RGL1: variants seen among roughly 807,000 people sequenced by gnomAD.
The protein encoded by RGL1 is ral guanine nucleotide dissociation stimulator-like 1.
RGL1 carries 24 observed loss-of-function variants against 95.2 expected under a neutral mutation model. That is an observed-to-expected ratio of 0.25 (90% CI 0.18 to 0.35). RGL1 has a LOEUF of 0.35. RGL1 is among the 10% of genes least tolerant of loss of function. RGL1 has a pLI of 1.00. For synonymous variants in RGL1, 329 were observed against 344.9 expected (o/e 0.95, Z 0.51); for missense variants, 715 against 936.3 (o/e 0.76, Z 3.08).
intron 1 of RGL1, among the ~76,000 whole-genome samples, chr1:183,653,682 G>C (rs906462188): frequency 6.6e-6 from 1 of 152,178 alleles, no homozygotes; most frequent in Non-Finnish European, 1.5e-5. Context: ...GTCCCTGAAG[G>C]GGGTGTTTTT....
chr1:183,822,882 C>G (rs916280503), intron 2 of RGL1, among the ~76,000 whole-genome samples: 2 of 152,194 alleles, frequency 1.3e-5, no homozygotes, highest in African/African-American at 4.8e-5. Context: ...CTTCAGCTAA[C>G]TGGGCTATTT....
intron 2 of RGL1, among the ~76,000 whole-genome samples, chr1:183,749,138 G>T (rs528474245): frequency 6.6e-6 from 1 of 152,118 alleles, no homozygotes; most frequent in Non-Finnish European, 1.5e-5. Flanking sequence ...TATTAGGTCC[G>T]CTTGGTCCAG....
chr1:183,835,719 C>A (rs2500110), intron 2 of RGL1, among the ~76,000 whole-genome samples: 1 of 152,016 alleles, frequency 6.6e-6, no homozygotes, highest in Non-Finnish European at 1.5e-5. Context: ...TGTAATCAGA[C>A]TTAACTTTGG....
intron 1 of RGL1, among the ~76,000 whole-genome samples, chr1:183,718,223 G>C (rs1655755207): frequency 7.6e-6 from 1 of 130,986 alleles, no homozygotes; most frequent in South Asian, 2.7e-4. Flanking sequence ...GACAGAGGGA[G>C]ACTTGGTCTC....
chr1:183,751,666 G>A (rs1208967800), intron 2 of RGL1, among the ~76,000 whole-genome samples: 1 of 152,190 alleles, frequency 6.6e-6, no homozygotes, highest in Non-Finnish European at 1.5e-5. Flanking sequence ...TTGAAACCCA[G>A]GGCCCTGGTG....
At chr1:183,776,220 C>T (rs1659590313) in intron 2 of RGL1, among the ~76,000 whole-genome samples, 1 of 143,472 alleles carries the variant, frequency 7.0e-6, no homozygotes. Context: ...GCGATCTCGG[C>T]TCACTGCAAG....
In RGL1 at chr1:183,902,514, G is replaced by A. The variant is rs1221340024; in HGVS notation, c.1318-54G>A. 26 of 1,486,278 alleles carry A rather than the reference G, an allele frequency of 1.7e-5. No individual in the cohort carries two copies. The East Asian group carries it at 5.5e-4, about 31-fold the overall frequency. 92.1% of individuals were successfully genotyped at this position (1,486,278 alleles called of 1,614,324 possible). A position where few individuals can be genotyped will look rare whatever the true frequency, so the allele number is the denominator to read the frequency against. On this transcript the variant is annotated intron_variant, in intron 11 of 17. Coordinates refer to ENST00000360851, the MANE Select transcript of RGL1 (RefSeq NM_001297671.3). ...TTAATGTGACCTACGACAACATATG[G>A]CTGTGTTTTAAAGTAGCTTGGTTGC...
At chr1:183,660,166 C>G (rs1458123634) in intron 1 of RGL1, among the ~76,000 whole-genome samples, 1 of 152,084 alleles carries the variant, frequency 6.6e-6, no homozygotes, top group Non-Finnish European at 1.5e-5. Context: ...GCAAAATAAC[C>G]AGCTAACATC....
upstream of RGL1, among the ~76,000 whole-genome samples, chr1:183,804,333 C>T (rs1661151589): frequency 6.6e-6 from 1 of 152,094 alleles, no homozygotes; most frequent in Non-Finnish European, 1.5e-5. Flanking sequence ...GTATCTCTTG[C>T]TGTTGACTTG....
At position 183,742,186 on chromosome 1, in the gene RGL1, C is replaced by T. The variant is rs1294700149; in HGVS notation, c.29C>T (p.Thr10Ile). 2.5e-6 allele frequency: 4 copies of T among 1,614,074 alleles called. No individual in the cohort carries two copies. The South Asian group carries it at 4.4e-5, about 18-fold the overall frequency. ...GAGGTGAAACCTGTGGGAGAACCTACTCAAGAGGTGTCTAAATTCAAACTT... is the reference window on the plus strand; with the variant it reads ...GAGGTGAAACCTGTGGGAGAACCTATTCAAGAGGTGTCTAAATTCAAACTT... The change falls in exon 2 of 19, where the codon ACT (threonine) becomes ATT (isoleucine). Residue 10 changes from threonine to isoleucine, a missense_variant. Coordinates refer to the RGL1 transcript ENST00000304685.
Position 183,787,709 on chromosome 1 carries a change from G to A in RGL1, c.133-18666G>A, listed in dbSNP as rs950665784. ...GTGTTGGAGGTGAGGCTTAACAGGG[G>A]GTGTTTGGGTCATGGGGGCAGATCT... is the stretch of plus-strand genomic sequence containing the variant. On this transcript the variant is annotated intron_variant, in intron 2 of 18. Transcript: ENST00000304685. Among the ~76,000 whole-genome samples, 3 of 151,892 alleles carry A rather than the reference G, an allele frequency of 2.0e-5. No individual in the cohort carries two copies. The East Asian group carries it at 5.8e-4, about 29-fold the overall frequency.
At chr1:183,673,349 T>C (rs1273314303) in intron 1 of RGL1, among the ~76,000 whole-genome samples, 2 of 152,232 alleles carry the variant, frequency 1.3e-5, no homozygotes, top group Non-Finnish European at 2.9e-5. Flanking sequence ...AACCTTTTTC[T>C]TTCTCTCATC....
chr1:183,656,839 G>A (rs1349137042), intron 1 of RGL1, among the ~76,000 whole-genome samples: 3 of 152,226 alleles, frequency 2.0e-5, no homozygotes, highest in African/African-American at 7.2e-5. Flanking sequence ...TTGGTAATTA[G>A]TTAAACTAAT....
chr1:183,819,928 G>A (rs1242923682), intron 2 of RGL1, among the ~76,000 whole-genome samples: 1 of 151,868 alleles, frequency 6.6e-6, no homozygotes, highest in Non-Finnish European at 1.5e-5. Flanking sequence ...GAGACTGCAG[G>A]TGCACACCAC....
At chr1:183,814,998 G>A (rs1312394048) in intron 2 of RGL1, among the ~76,000 whole-genome samples, 3 of 152,162 alleles carry the variant, frequency 2.0e-5, no homozygotes, top group South Asian at 2.1e-4. Context: ...TTGGCTGAGC[G>A]CGGTGGCTCT....
intron 2 of RGL1, among the ~76,000 whole-genome samples, chr1:183,795,668 T>G: frequency 6.6e-6 from 1 of 152,226 alleles, no homozygotes; most frequent in South Asian, 2.1e-4. Flanking sequence ...GCTTTTATAC[T>G]GAGCAATGAG....
At chr1:183,911,003 TGC>T (rs747732241) in intron 14 of RGL1, among the ~76,000 whole-genome samples, 3 of 152,264 alleles carry the variant, frequency 2.0e-5, no homozygotes, top group Non-Finnish European at 4.4e-5. Flanking sequence ...CTTTTTGTTA[TGC>T]CTGTTGGCTC....
In RGL1 at chr1:183,913,680, T is replaced by G. The variant is rs141856126; in HGVS notation, c.1749+1412T>G. On this transcript the variant is annotated intron_variant, in intron 15 of 17. Coordinates refer to ENST00000360851, the MANE Select transcript of RGL1 (RefSeq NM_001297671.3). ...AGTAAGGTAGAATGTTGGCAATGGT[T>G]TCATCCCTTGGTTTATATCTGCTGC... Among the ~76,000 whole-genome samples, 101 of 152,328 alleles carry G rather than the reference T, an allele frequency of 6.6e-4. 1 individual carries two copies. The East Asian group carries it at 0.019, about 29-fold the overall frequency.
At chr1:183,645,246 T>A (rs1650204394) in intron 1 of RGL1, among the ~76,000 whole-genome samples, 1 of 152,186 alleles carries the variant, frequency 6.6e-6, no homozygotes, top group South Asian at 2.1e-4. Flanking sequence ...GTACATTAGT[T>A]TTTTGTCTTT....
Sources: allele counts gnomAD v4.1 joint callset (sites outside exome capture counted in the v4.1 genomes callset), GRCh38; gene constraint gnomAD v4.1.1; transcripts MANE v1.5; gene names NCBI Gene and HGNC (gene_info 2026-07-23, HGNC 2026-07-21).